RARB: variants seen among roughly 807,000 people sequenced by gnomAD.
The protein encoded by RARB is HBV-activated protein.
RARB carries 17 observed loss-of-function variants against 51.9 expected under a neutral mutation model. The ratio of observed to expected loss-of-function variants is 0.33; its 90% CI spans 0.22 to 0.49. The LOEUF (loss-of-function observed/expected upper bound fraction) is 0.49, where lower values mean the gene tolerates loss of function less well. RARB is among the 20% of genes least tolerant of loss of function. The pLI is 0.99. For missense variants in RARB, 369 were observed against 550.8 expected (o/e 0.67, Z 3.30); for synonymous variants, 215 against 195.4 (o/e 1.10, Z -0.84).
In RARB at chr3:24,944,565, T is replaced by C. The variant is rs544760537; in HGVS notation, c.-380+85813T>C. ...AAGTAATAGAGCTAGAATTTAAACC[T>C]ACAAATGCCTGACCCTGTGCCTGTC... On this transcript the variant is annotated intron_variant, in intron 2 of 11. Transcript: ENST00000383772. Among the ~76,000 whole-genome samples, 28 of 152,344 alleles carry C rather than the reference T, an allele frequency of 1.8e-4. No individual in the cohort carries two copies. In the South Asian group the frequency reaches 5.2e-3, roughly 28 times the overall value.
chr3:25,123,503 C>CA (rs1229274312), intron 3 of RARB, among the ~76,000 whole-genome samples: 2 of 152,206 alleles, frequency 1.3e-5, no homozygotes, highest in Non-Finnish European at 1.5e-5. Flanking sequence ...TTCACACTGA[C>CA]AGTGGCTATA....
intron 5 of RARB, among the ~76,000 whole-genome samples, chr3:25,320,205 C>T (rs1373404724): frequency 6.6e-6 from 1 of 152,128 alleles, no homozygotes; most frequent in African/African-American, 2.4e-5. Flanking sequence ...TCTATGCAGT[C>T]ATTGAACATT....
At chr3:25,442,538 T>C (rs891557510) in intron 1 of RARB, among the ~76,000 whole-genome samples, 1 of 152,230 alleles carries the variant, frequency 6.6e-6, no homozygotes. Context: ...TATTATTCTT[T>C]CAGTATTTGT....
At chr3:25,423,272 T>G (rs1300107965), upstream of RARB, among the ~76,000 whole-genome samples, 1 of 152,230 alleles carries the variant, frequency 6.6e-6, no homozygotes, top group Non-Finnish European at 1.5e-5. Context: ...CAGGGCTTCT[T>G]TGCACTAACC....
At chr3:24,886,447 C>CTTTT (rs35659222) in intron 2 of RARB, among the ~76,000 whole-genome samples, 2 of 144,032 alleles carry the variant, frequency 1.4e-5, no homozygotes, top group Non-Finnish European at 1.5e-5. Flanking sequence ...TGTAAACAAA[C>CTTTT]TTTTTTTTTT....
chr3:25,161,339 G>C (rs1005717951), intron 4 of RARB, among the ~76,000 whole-genome samples: 1 of 151,838 alleles, frequency 6.6e-6, no homozygotes, highest in African/African-American at 2.4e-5. Flanking sequence ...GAGCTACCAC[G>C]CCTGGCTGAT....
intron 5 of RARB, among the ~76,000 whole-genome samples, chr3:25,239,257 A>G (rs936060725): frequency 6.6e-6 from 1 of 152,160 alleles, no homozygotes; most frequent in East Asian, 1.9e-4. Context: ...AGGTTGTTCT[A>G]TAACTCTGTT....
chr3:25,000,381 A>G (rs1697133981), intron 2 of RARB, among the ~76,000 whole-genome samples: 1 of 152,118 alleles, frequency 6.6e-6, no homozygotes, highest in African/African-American at 2.4e-5. Flanking sequence ...TGCATGTACT[A>G]AATCACTTAT....
chr3:24,955,937 T>C (rs1696005313), intron 2 of RARB, among the ~76,000 whole-genome samples: 2 of 152,144 alleles, frequency 1.3e-5, no homozygotes, highest in African/African-American at 2.4e-5. Flanking sequence ...TCCTCTTCTC[T>C]TGAGGCTGAC....
chr3:25,323,709 A>G (rs1006429848), intron 5 of RARB, among the ~76,000 whole-genome samples: 4 of 152,222 alleles, frequency 2.6e-5, no homozygotes, highest in African/African-American at 9.6e-5. Flanking sequence ...ACATTTTTAT[A>G]GTGGACCTCT....
chr3:24,921,627 T>TC (rs1053831585), intron 2 of RARB, among the ~76,000 whole-genome samples: 2 of 151,694 alleles, frequency 1.3e-5, no homozygotes, highest in South Asian at 2.1e-4. Context: ...AGCGAGGAGG[T>TC]CCCCCCCATC....
rs372925358 is a variant in RARB, at chr3:25,247,043, C to T, written c.178+72468C>T. ...CCCAGAGAGGAGGAATCTAGACAGG[C>T]GGTCTGGCTACAGCAGCTTTGTGGA... On this transcript the variant is annotated intron_variant, in intron 5 of 11. Transcript: ENST00000383772. Among the ~76,000 whole-genome samples the T allele has an allele frequency of 1.8e-4, 27 of 152,338 alleles. 1 individual carries two copies. Among genetic ancestry groups the T allele is most frequent in the Admixed American group, 1.2e-3 (18 of 15,302 alleles).
intron 2 of RARB, among the ~76,000 whole-genome samples, chr3:25,022,312 T>C (rs1697655194): frequency 2.0e-5 from 3 of 152,232 alleles, no homozygotes; most frequent in African/African-American, 7.2e-5. Context: ...TTTCCATTTG[T>C]ATATAAAATG....
chr3:25,086,550 C>T (rs976745534), intron 3 of RARB, among the ~76,000 whole-genome samples: 1 of 152,126 alleles, frequency 6.6e-6, no homozygotes, highest in Non-Finnish European at 1.5e-5. Context: ...GCTGGTGACA[C>T]AGCCCCAGGA....
chr3:25,256,662 G>A (rs1241592167), intron 5 of RARB, among the ~76,000 whole-genome samples: 1 of 152,076 alleles, frequency 6.6e-6, no homozygotes, highest in East Asian at 1.9e-4. Context: ...GGACAGTCTT[G>A]TCATAAAGGA....
chr3:25,300,564 C>T (rs911452145), intron 5 of RARB, among the ~76,000 whole-genome samples: 23 of 152,184 alleles, frequency 1.5e-4, no homozygotes, highest in African/African-American at 5.1e-4. Flanking sequence ...CTGAGAAGAA[C>T]AGAAGGAACC....
chr3:25,078,244 C>A (rs1698915063), intron 3 of RARB, among the ~76,000 whole-genome samples: 1 of 152,100 alleles, frequency 6.6e-6, no homozygotes, highest in Admixed American at 6.5e-5. Flanking sequence ...TTTCAAGAAG[C>A]TGTAAGATTT....
intron 5 of RARB, among the ~76,000 whole-genome samples, chr3:25,412,061 G>A (rs1486445891): frequency 6.6e-6 from 1 of 152,158 alleles, no homozygotes; most frequent in Admixed American, 6.5e-5. Context: ...TCATTATGAG[G>A]TATCACAGAA....
At chr3:25,408,379 C>T (rs1252156255) in intron 5 of RARB, among the ~76,000 whole-genome samples, 6 of 151,884 alleles carry the variant, frequency 4.0e-5, no homozygotes, top group Non-Finnish European at 8.8e-5. Flanking sequence ...CTTCCTATGG[C>T]CAAGCAGGAG....
Sources: gnomAD v4.1 joint callset for allele counts (sites outside exome capture counted in the v4.1 genomes callset) on GRCh38, gnomAD v4.1.1 for gene constraint, MANE v1.5 for transcripts, NCBI Gene and HGNC (gene_info 2026-07-23, HGNC 2026-07-21) for gene names.